The following VCL variants were observed in gnomAD, a reference collection of about 807,000 sequenced individuals.
The protein encoded by VCL is epididymis luminal protein 114.
A neutral mutation model predicts 125.7 loss-of-function variants in VCL; 47 were observed. The observed-to-expected ratio is 0.37, with a 90% CI of 0.30 to 0.48. The LOEUF (loss-of-function observed/expected upper bound fraction) is 0.48. Ranked by LOEUF, VCL falls within the 20% of genes least tolerant of loss-of-function variation. The pLI, the probability that VCL is intolerant of heterozygous loss-of-function variation, is 0.99. For missense variants in VCL, 1,069 were observed against 1,455.5 expected, an observed-to-expected ratio of 0.73 and a Z score of 4.32; for synonymous variants, 458 against 514.6, an observed-to-expected ratio of 0.89 and a Z score of 1.49.
In VCL at chr10:74,105,368, G is replaced by C. The variant is rs984492091; in HGVS notation, c.2434+15G>C. On this transcript the variant is annotated intron_variant, in intron 16 of 21. Transcript: ENST00000211998. ...TTCCGACCCTGGTAAGCAATGCATG[G>C]CACTATGTCTCACCTCCACTGAGAG... is the stretch of plus-strand genomic sequence containing the variant. 1.2e-6 allele frequency: 2 copies of C among 1,611,876 alleles called. No homozygotes were observed. The highest frequency in any genetic ancestry group is 1.7e-6 in the Non-Finnish European group (2 of 1,179,906).
chr10:74,096,219 G>A (rs1003682026), intron 12 of VCL, among the ~76,000 whole-genome samples: 7 of 151,184 alleles, frequency 4.6e-5, no homozygotes, highest in South Asian at 2.1e-4. Context: ...TCTGTGGGCC[G>A]GGCATGGTGG....
At position 74,048,330 on chromosome 10, in the gene VCL, T is replaced by C. The variant is rs762381104; in HGVS notation, c.239+5177T>C. 3.1e-4 allele frequency among the ~76,000 whole-genome samples: 47 copies of C among 151,904 alleles called. 1 individual carries two copies. Among genetic ancestry groups the C allele is most frequent in the Non-Finnish European group, 8.8e-5 (6 of 67,978 alleles). On this transcript the variant is annotated intron_variant, in intron 2 of 21. Coordinates refer to ENST00000211998, the MANE Select transcript of VCL (RefSeq NM_014000.3). Reference sequence around the variant, plus strand: ...CTAAAAATTCAAAACTAGCCGGGCGTGGTGGCACATACCTGTAATCCCAGC... The same window carrying C: ...CTAAAAATTCAAAACTAGCCGGGCGCGGTGGCACATACCTGTAATCCCAGC...
chr10:74,114,816 A>G lies in VCL; in HGVS notation c.3175A>G (p.Ile1059Val), dbSNP rs1346426288. 3 of 1,608,546 alleles carry G rather than the reference A, an allele frequency of 1.9e-6. No individual in the cohort carries two copies. Among genetic ancestry groups the G allele is most frequent in the South Asian group, 1.1e-5 (1 of 89,816 alleles). ...TTAGGTATGTGAGCGAATCCCAACCATAAGCACCCAGCTCAAAATCCTGTC... is the reference window on the plus strand; with the variant it reads ...TTAGGTATGTGAGCGAATCCCAACCGTAAGCACCCAGCTCAAAATCCTGTC... ...LLQVCERIPT[I>V]STQLKILSTV... The change falls in exon 21 of 22, where the codon ATA (isoleucine) becomes GTA (valine). Residue 1059 changes from isoleucine (I) to valine (V), a missense_variant. By Grantham distance (29) the Ile-to-Val change is conservative. Around this residue, in one of 6 missense-constraint regions of VCL, gnomAD observed 91 missense variants for 203.9 expected, o/e 0.45. Coordinates refer to ENST00000211998, the MANE Select transcript of VCL (RefSeq NM_014000.3).
chr10:74,082,208 T>C (rs1358350853), intron 6 of VCL, among the ~76,000 whole-genome samples: 1 of 152,178 alleles, frequency 6.6e-6, no homozygotes, highest in East Asian at 1.9e-4. Context: ...TTTCACAGTT[T>C]TAGCAATAGG....
chr10:74,005,643 T>A (rs1024197861), intron 1 of VCL, among the ~76,000 whole-genome samples: 1 of 152,196 alleles, frequency 6.6e-6, no homozygotes, highest in Admixed American at 6.5e-5. Context: ...TGGGCAGTTA[T>A]CCGTCGGTAT....
At chr10:74,100,585 A>G (rs926036502) in intron 13 of VCL, among the ~76,000 whole-genome samples, 3 of 152,204 alleles carry the variant, frequency 2.0e-5, no homozygotes, top group Admixed American at 1.3e-4. Flanking sequence ...GTCTTCTTCA[A>G]ACTAGAAGAT....
intron 2 of VCL, among the ~76,000 whole-genome samples, chr10:74,043,376 C>T (rs1021768911): frequency 6.7e-6 from 1 of 149,380 alleles, no homozygotes; most frequent in African/African-American, 2.5e-5. Flanking sequence ...GACGGAGTTT[C>T]ACCCTCGTCA....
chr10:74,090,229 A>C (rs748702546), intron 10 of VCL, 31 bp downstream of exon 10: 47 of 1,611,824 alleles, frequency 2.9e-5, no homozygotes, highest in Non-Finnish European at 3.9e-5. Context: ...TTGCCTTTTC[A>C]TATCTTTTCT....
chr10:74,023,092 T>C (rs1448286713), intron 1 of VCL, among the ~76,000 whole-genome samples: 1 of 152,226 alleles, frequency 6.6e-6, no homozygotes, highest in East Asian at 1.9e-4. Flanking sequence ...TATTGAGGAA[T>C]GAAGATAAAA....
intron 10 of VCL, among the ~76,000 whole-genome samples, chr10:74,093,106 G>A (rs1591704438): frequency 6.6e-6 from 1 of 152,116 alleles, no homozygotes; most frequent in Non-Finnish European, 1.5e-5. Flanking sequence ...AGACCAGCCC[G>A]GTCAACATGG....
At chr10:74,023,100 A>G (rs1345455201) in intron 1 of VCL, among the ~76,000 whole-genome samples, 1 of 152,236 alleles carries the variant, frequency 6.6e-6, no homozygotes, top group East Asian at 1.9e-4. Context: ...AATGAAGATA[A>G]AAGGATTGTA....
intron 1 of VCL, among the ~76,000 whole-genome samples, chr10:74,013,815 A>G (rs747731868): frequency 1.7e-4 from 26 of 152,344 alleles, no homozygotes; most frequent in Middle Eastern, 6.8e-3. Context: ...TAAGAGCTTT[A>G]TGAGTGTTAG....
intron 2 of VCL, among the ~76,000 whole-genome samples, chr10:74,058,928 T>TGAGA (rs374097575): frequency 6.6e-6 from 1 of 151,424 alleles, no homozygotes; most frequent in South Asian, 2.1e-4. Flanking sequence ...TGCGTATGCG[T>TGAGA]GAGAGAGAGA....
At chr10:74,073,269 C>T (rs954334793) in intron 5 of VCL, among the ~76,000 whole-genome samples, 1 of 152,146 alleles carries the variant, frequency 6.6e-6, no homozygotes. Context: ...GGCTTCACTG[C>T]ATGTCCTTCA....
intron 1 of VCL, chr10:74,005,102 T>C (rs1164689868): frequency 6.6e-6 from 1 of 152,180 alleles, no homozygotes; most frequent in African/African-American, 2.4e-5. Context: ...ATGTGCCTGC[T>C]TAGCTTGAAG....
intron 1 of VCL, among the ~76,000 whole-genome samples, chr10:73,998,966 C>T (rs1359545970): frequency 6.6e-6 from 1 of 152,170 alleles, no homozygotes; most frequent in Non-Finnish European, 1.5e-5. Flanking sequence ...CTTTTATTCA[C>T]TTGCCTCACT....
At chr10:74,034,073 G>T (rs894344499) in intron 1 of VCL, among the ~76,000 whole-genome samples, 2 of 152,204 alleles carry the variant, frequency 1.3e-5, no homozygotes, top group African/African-American at 2.4e-5. Context: ...TGCATGTTAT[G>T]TAAGTAATAT....
At chr10:74,104,087 G>A (rs1480230662) in intron 15 of VCL, among the ~76,000 whole-genome samples, 159 bp downstream of exon 15, 1 of 152,164 alleles carries the variant, frequency 6.6e-6, no homozygotes, top group African/African-American at 2.4e-5. Flanking sequence ...GAGCAGTGGC[G>A]GCTTCTCATT....
chr10:74,090,240 T>C (rs1203754569), intron 10 of VCL, 42 bp downstream of exon 10: 1 of 1,604,154 alleles, frequency 6.2e-7, no homozygotes, highest in Non-Finnish European at 8.5e-7. Context: ...TATCTTTTCT[T>C]CTCTTTCTCT....
Sources: allele counts gnomAD v4.1 joint callset (sites outside exome capture counted in the v4.1 genomes callset), GRCh38; gene constraint gnomAD v4.1.1; regional missense constraint gnomAD v4.1.1; transcripts MANE v1.5; gene names NCBI Gene and HGNC (gene_info 2026-07-23, HGNC 2026-07-21).